HRG: variants seen among roughly 807,000 people sequenced by gnomAD.
The protein encoded by HRG is histidine rich glycoprotein.
HRG carries 26 observed loss-of-function variants against 29.5 expected under a neutral mutation model. The observed-to-expected ratio is 0.88, with a 90% confidence interval of 0.65 to 1.22. The LOEUF (loss-of-function observed/expected upper bound fraction) is 1.22. Among genes scored for constraint, HRG ranks in the 50% most tolerant of loss-of-function variants. The pLI is 0.00. For synonymous variants in HRG, 243 were observed against 240.4 expected, an observed-to-expected ratio of 1.01 and a Z score of -0.10; for missense variants, 671 against 654.5, an observed-to-expected ratio of 1.03 and a Z score of -0.28.
intron 3 of HRG, among the ~76,000 whole-genome samples, chr3:186,670,267 A>AT (rs1718745907): frequency 6.6e-6 from 1 of 152,180 alleles, no homozygotes; most frequent in Non-Finnish European, 1.5e-5. Context: ...AATTCAACAC[A>AT]TAAAAATAGA....
In HRG at chr3:186,677,807, C is replaced by CAG; in HGVS notation, c.1502_1503insAG (p.Glu502ValfsTer28). 6.2e-7 allele frequency: 1 copy of CAG among 1,614,188 alleles called. No homozygotes were observed. Among genetic ancestry groups the CAG allele is most frequent in the African/African-American group, 1.3e-5 (1 of 75,058 alleles). ...AATCAGCCCTTTCCTCAATCAGTCT[C>CAG]TGAATCATGTCCAGGGAAGTTCAAG... On this transcript the variant is annotated frameshift_variant, in exon 7 of 7. Coordinates refer to ENST00000232003, the MANE Select transcript of HRG (RefSeq NM_000412.5). LOFTEE classifies it low-confidence loss of function (END_TRUNC).
chr3:186,670,021 A>G lies in HRG; in HGVS notation c.384A>G (p.Thr128=). The change falls in exon 3 of 7, where the codon ACA becomes ACG. Residue 128 remains threonine, a synonymous_variant. Coordinates refer to ENST00000232003, the MANE Select transcript of HRG (RefSeq NM_000412.5). ...GAGTGATTGACTTTAACTGCACCAC[A>G]AGTTCTGGTATGGTAATCTGTTAAA... is the stretch of plus-strand genomic sequence containing the variant. ...DLRVIDFNCT[T]SSVSSALANT... The G allele has an allele frequency of 6.6e-7, 1 of 1,513,140 alleles. No homozygotes were observed. Among genetic ancestry groups the G allele is most frequent in the Non-Finnish European group, 9.2e-7 (1 of 1,089,484 alleles). The allele number at this position is 1,513,140 out of a possible 1,614,324, so 93.7% of individuals were successfully genotyped here.
chr3:186,673,201 T>C (rs200908130), intron 5 of HRG: 1 of 366,798 alleles, frequency 2.7e-6, no homozygotes, highest in East Asian at 6.7e-5. Flanking sequence ...CCTCCCGGGT[T>C]CAGGCGATTC....
In HRG at chr3:186,677,290, C is replaced by T. The variant is rs1483375869; in HGVS notation, c.985C>T (p.His329Tyr). The change falls in exon 7 of 7, where the codon CAT (histidine) becomes TAT (tyrosine). Residue 329 changes from histidine to tyrosine, a missense_variant. Transcript: ENST00000232003. ...GCCCATGTCCTGCTCAAGTTGTCAA[C>T]ATGCCACTTTTGGCACAAATGGGGC... ...LLPMSCSSCQHATFGTNGAQR... is the reference protein window; with the variant it reads ...LLPMSCSSCQYATFGTNGAQR... 2 of 1,614,158 alleles carry T rather than the reference C, an allele frequency of 1.2e-6. No individual in the cohort carries two copies. The highest frequency in any genetic ancestry group is 2.2e-5 in the South Asian group (2 of 91,072).
intron 2 of HRG, chr3:186,669,508 C>T: frequency 2.9e-6 from 1 of 343,122 alleles, no homozygotes; most frequent in Non-Finnish European, 5.6e-6. Flanking sequence ...TTGCTCAGCA[C>T]CTAGGATATA....
At position 186,672,824 on chromosome 3, in the gene HRG, C is replaced by G; in HGVS notation, c.596C>G (p.Ser199Cys). 6.2e-7 allele frequency: 1 copy of G among 1,612,664 alleles called. No individual in the cohort carries two copies. Among genetic ancestry groups the G allele is most frequent in the Non-Finnish European group, 8.5e-7 (1 of 1,178,720 alleles). ...GEGTGYFVDF[S>C]VRNCPRHHFP... ...GGAACTGGTTACTTCGTGGACTTCT[C>G]TGTGCGGAACTGCCCCAGACACCAT... The change falls in exon 5 of 7, where the codon TCT (serine) becomes TGT (cysteine). Residue 199 changes from serine to cysteine, a missense_variant. Coordinates refer to ENST00000232003, the MANE Select transcript of HRG (RefSeq NM_000412.5).
At chr3:186,669,242 C>T (rs1036867890) in intron 2 of HRG, among the ~76,000 whole-genome samples, 191 bp downstream of exon 2, 1 of 152,200 alleles carries the variant, frequency 6.6e-6, no homozygotes, top group Non-Finnish European at 1.5e-5. Flanking sequence ...CAAGACAACT[C>T]AGCAGGGTGT....
At chr3:186,674,608 A>T (rs1164498524) in intron 5 of HRG, 2 of 238,520 alleles carry the variant, frequency 8.4e-6, no homozygotes, top group Non-Finnish European at 1.7e-5. Flanking sequence ...ACTTGGGTGG[A>T]GTCAGCAGAC....
Position 186,671,738 on chromosome 3 carries a change from T to TG in HRG, c.508dup (p.Asp170GlyfsTer2), listed in dbSNP as rs773408266. ...CCCTTGAGAAGTACAAAGAGGAGAA[T>TG]GATGACTTTGCCTCTTTCAGAGTGG... On this transcript the variant is annotated frameshift_variant, in exon 4 of 7. Coordinates refer to ENST00000232003, the MANE Select transcript of HRG (RefSeq NM_000412.5). LOFTEE classifies it high-confidence loss of function. 1 of 1,613,952 alleles carries TG rather than the reference T, an allele frequency of 6.2e-7. No homozygotes were observed.
chr3:186,677,051 A>G lies in HRG; in HGVS notation c.746A>G (p.His249Arg), dbSNP rs1269051669. The G allele has an allele frequency of 6.2e-7, 1 of 1,614,120 alleles. No homozygotes were observed. The highest frequency in any genetic ancestry group is 1.1e-5 in the South Asian group (1 of 91,084). The change falls in exon 7 of 7, where the codon CAT becomes CGT. Residue 249 changes from histidine to arginine, a missense_variant. His to Arg is a conservative substitution (Grantham distance 29). Coordinates refer to ENST00000232003, the MANE Select transcript of HRG (RefSeq NM_000412.5). Reference sequence around the variant, plus strand: ...CTTTTCTGTGACCTTTTCCAGGAACATGAGAACATCAATGGTGTACCGCCT... The same window carrying G: ...CTTTTCTGTGACCTTTTCCAGGAACGTGAGAACATCAATGGTGTACCGCCT... ...INCEVFDPQE[H>R]ENINGVPPHL...
At chr3:186,669,747 A>G in intron 2 of HRG, 191 bp from the exon 3 acceptor site, 1 of 624,444 alleles carries the variant, frequency 1.6e-6, no homozygotes. Context: ...GAGGATTTTG[A>G]GTGCCAACAG....
At chr3:186,669,351 G>A (rs1270287538) in intron 2 of HRG, among the ~76,000 whole-genome samples, 1 of 152,188 alleles carries the variant, frequency 6.6e-6, no homozygotes, top group Non-Finnish European at 1.5e-5. Context: ...AATAAGAAGT[G>A]GGTTTAGGAA....
rs1481255703 is a variant in HRG, at chr3:186,678,102, A to T, written c.*219A>T. 3 of 538,892 alleles carry T rather than the reference A, an allele frequency of 5.6e-6. No individual in the cohort carries two copies. Among genetic ancestry groups the T allele is most frequent in the Non-Finnish European group, 1.0e-5 (3 of 301,460 alleles). 33.4% of individuals were successfully genotyped at this position (538,892 alleles called of 1,614,324 possible). ...CTATTAGTAGTTAATTCTGTCACTC[A>T]CCACTACATCACTTGAGACAAATCT... On this transcript the variant is annotated 3_prime_UTR_variant, in exon 7 of 7. Coordinates refer to ENST00000232003, the MANE Select transcript of HRG (RefSeq NM_000412.5).
chr3:186,666,067 A>T lies in HRG; in HGVS notation c.36A>T (p.Thr12=), dbSNP rs771618433. 6.2e-7 allele frequency: 1 copy of T among 1,614,128 alleles called. No homozygotes were observed. Among genetic ancestry groups the T allele is most frequent in the East Asian group, 2.2e-5 (1 of 44,902 alleles). ...TCATTGCAGCACTGCTTTTGATCAC[A>T]TTGCAGTATTCGTGTGCCGTGAGTC... ...KALIAALLLI[T]LQYSCAVSPT... The change falls in exon 1 of 7, where the codon ACA becomes ACT. Residue 12 remains threonine (T), a synonymous_variant. Coordinates refer to ENST00000232003, the MANE Select transcript of HRG (RefSeq NM_000412.5).
At position 186,672,784 on chromosome 3, in the gene HRG, T is replaced by C; in HGVS notation, c.559-3T>C. ...GAAACTATTTTGATCCCATCTGTTC[T>C]AGAGAGGAGGGGAAGGAACTGGTTA... On this transcript the variant is annotated splice_region_variant and splice_polypyrimidine_tract_variant and intron_variant, in intron 4 of 6. Coordinates refer to ENST00000232003, the MANE Select transcript of HRG (RefSeq NM_000412.5). The C allele has an allele frequency of 1.2e-6, 2 of 1,601,586 alleles. No homozygotes were observed. The highest frequency in any genetic ancestry group is 1.7e-6 in the Non-Finnish European group (2 of 1,168,620).
chr3:186,672,717 A>G (rs1026958270), intron 4 of HRG, 70 bp from the exon 5 acceptor site: 6 of 922,166 alleles, frequency 6.5e-6, no homozygotes, highest in Non-Finnish European at 1.1e-5. Context: ...ATTGAATGGT[A>G]GTTATCTACT....
At position 186,671,641 on chromosome 3, in the gene HRG, A is replaced by G; in HGVS notation, c.410A>G (p.Asn137Ser). 1 of 1,614,052 alleles carries G rather than the reference A, an allele frequency of 6.2e-7. No individual in the cohort carries two copies. Among genetic ancestry groups the G allele is most frequent in the Non-Finnish European group, 8.5e-7 (1 of 1,179,940 alleles). The change falls in exon 4 of 7, where the codon AAT (asparagine) becomes AGT (serine). Residue 137 changes from asparagine (N) to serine (S), a missense_variant. Physicochemically the swap from Asn to Ser is conservative, Grantham distance 46. Transcript: ENST00000232003. ...TTSSVSSALA[N>S]TKDSPVLIDF... ...TCTCCAGTCTCTTCAGCACTGGCCA[A>G]TACCAAAGATAGTCCGGTCCTCATA...
Position 186,677,054 on chromosome 3 carries a change from A to G in HRG, c.749A>G (p.Glu250Gly). 5 of 1,614,070 alleles carry G rather than the reference A, an allele frequency of 3.1e-6. No homozygotes were observed. Among genetic ancestry groups the G allele is most frequent in the Non-Finnish European group, 4.2e-6 (5 of 1,179,944 alleles). The change falls in exon 7 of 7, where the codon GAG becomes GGG. Residue 250 changes from glutamate (E) to glycine (G), a missense_variant. By Grantham distance (98) the Glu-to-Gly change is moderately conservative. Transcript: ENST00000232003. ...TTCTGTGACCTTTTCCAGGAACATG[A>G]GAACATCAATGGTGTACCGCCTCAT... The part of the protein sequence containing the change: ...NCEVFDPQEH[E>G]NINGVPPHLG...
intron 4 of HRG, 91 bp downstream of exon 4, chr3:186,671,880 C>G (rs1718809898): frequency 9.5e-7 from 1 of 1,056,452 alleles, no homozygotes; most frequent in East Asian, 2.4e-5. Context: ...CCACCTGCCT[C>G]AATTGACTAG....
Sources: gnomAD v4.1 joint callset for allele counts (sites outside exome capture counted in the v4.1 genomes callset) on GRCh38, gnomAD v4.1.1 for gene constraint, MANE v1.5 for transcripts, NCBI Gene and HGNC (gene_info 2026-07-23, HGNC 2026-07-21) for gene names.